The following DGKZ variants were observed in gnomAD, a reference collection of about 807,000 sequenced individuals.
DGKZ encodes diacylglycerol kinase zeta.
Under a neutral mutation model 142.5 loss-of-function variants are expected in DGKZ, and 45 were observed. The ratio of observed to expected loss-of-function variants is 0.32; its 90% confidence interval spans 0.25 to 0.40. DGKZ has a LOEUF of 0.40. Ranked by LOEUF, DGKZ falls within the 10% of genes least tolerant of loss-of-function variation. The pLI is 1.00. For synonymous variants in DGKZ, 442 were observed against 527.0 expected, an observed-to-expected ratio of 0.84 and a Z score of 2.21; for missense variants, 755 against 1,306.5, an observed-to-expected ratio of 0.58 and a Z score of 6.51.
At chr11:46,336,700 C>T (rs150364739) in intron 1 of DGKZ, among the ~76,000 whole-genome samples, 18 of 152,280 alleles carry the variant, frequency 1.2e-4, no homozygotes, top group Middle Eastern at 3.4e-3. Flanking sequence ...CTCCTCAGCA[C>T]ACACTACCAT....
intron 15 of DGKZ, 62 bp downstream of exon 15, chr11:46,374,297 G>A: frequency 6.2e-7 from 1 of 1,612,366 alleles, no homozygotes; most frequent in Non-Finnish European, 8.5e-7. Context: ...GGGAGGGTCA[G>A]ACCCTGCTCC....
At chr11:46,378,289 G>A in intron 26 of DGKZ, 60 bp downstream of exon 26, 2 of 1,573,360 alleles carry the variant, frequency 1.3e-6, no homozygotes, top group Non-Finnish European at 1.7e-6. Context: ...GAGGCTCAGT[G>A]GGGTGGGGAT....
rs145375973 is a variant in DGKZ at position 46,339,778 on chromosome 11, G to T, written c.212+6291G>T. Among the ~76,000 whole-genome samples the T allele has an allele frequency of 2.8e-3, 423 of 152,370 alleles. 1 individual carries two copies. Among genetic ancestry groups the T allele is most frequent in the African/African-American group, 1.0e-2 (415 of 41,592 alleles). On this transcript the variant is annotated intron_variant, in intron 1 of 30. Coordinates refer to the DGKZ transcript ENST00000343674. ...TGGGCCAAGCATGGGGAAGCCTGGA[G>T]TGGAGTCTCATTTTTGCCTCAGTTG...
intron 1 of DGKZ, among the ~76,000 whole-genome samples, chr11:46,352,374 C>T (rs536616708): frequency 2.5e-4 from 38 of 152,318 alleles, no homozygotes; most frequent in Middle Eastern, 3.4e-3. Flanking sequence ...CACAGGCCCA[C>T]GGGGACCCAC....
chr11:46,347,880 G>A lies in DGKZ; in HGVS notation c.161+60G>A, dbSNP rs192334974. 1,518 of 1,267,158 alleles carry A rather than the reference G, an allele frequency of 1.2e-3. 49 individuals are homozygous for A. In the Admixed American group the frequency reaches 0.056, roughly 47 times the overall value. The allele number at this position is 1,267,158 out of a possible 1,614,324, so 78.5% of individuals were successfully genotyped here. On this transcript the variant is annotated intron_variant, in intron 1 of 30. Coordinates refer to ENST00000527911, the Ensembl canonical transcript of DGKZ. This position sits in a 1 kb window ranked among gnomAD's most constrained non-coding sequence, Gnocchi z 6.4. ...ACCGGCAGGTTACCGCTCCCTCACC[G>A]GGGGACATTCCTCGGCCACTGGGGG...
chr11:46,362,776 A>T (rs1351968909), intron 1 of DGKZ, among the ~76,000 whole-genome samples: 1 of 152,196 alleles, frequency 6.6e-6, no homozygotes, highest in Admixed American at 6.5e-5. Context: ...GCTGTAGCTG[A>T]TGAAGCTCTC....
chr11:46,359,649 G>A (rs1238870997), intron 1 of DGKZ, among the ~76,000 whole-genome samples: 1 of 151,894 alleles, frequency 6.6e-6, no homozygotes, highest in Non-Finnish European at 1.5e-5. Context: ...TGTGGCCAAG[G>A]CTGGAGTGCA....
At position 46,372,069 on chromosome 11, in the gene DGKZ, T is replaced by C; in HGVS notation, c.832-6T>C. ...GGAGCTTACAGCCTCTCACCTTGTC[T>C]CCCAGGAGGGCCGCTGGAGACCCTT... is the stretch of plus-strand genomic sequence containing the variant. On this transcript the variant is annotated splice_region_variant and splice_polypyrimidine_tract_variant and intron_variant, in intron 9 of 30. Transcript: ENST00000527911. This position sits in a 1 kb window ranked among gnomAD's most constrained non-coding sequence, Gnocchi z 5.9. 6.2e-7 allele frequency: 1 copy of C among 1,606,518 alleles called. No individual in the cohort carries two copies. The highest frequency in any genetic ancestry group is 8.5e-7 in the Non-Finnish European group (1 of 1,176,834).
At position 46,374,147 on chromosome 11, in the gene DGKZ, C is replaced by CT; in HGVS notation, c.1327-5dup. 6.2e-7 allele frequency: 1 copy of CT among 1,614,138 alleles called. No individual in the cohort carries two copies. Among genetic ancestry groups the CT allele is most frequent in the African/African-American group, 1.3e-5 (1 of 75,068 alleles). ...CCAGCCCTCATTTTGGTCCCTTGAC[C>CT]TTTTTCCAGTTGCCCCTGGATGTCT... On this transcript the variant is annotated splice_polypyrimidine_tract_variant and intron_variant, in intron 14 of 30. Transcript: ENST00000527911.
chr11:46,363,396 C>T (rs191011000), intron 1 of DGKZ, among the ~76,000 whole-genome samples: 189 of 152,320 alleles, frequency 1.2e-3, no homozygotes, highest in African/African-American at 4.3e-3. Flanking sequence ...AACTGAGGCC[C>T]GTGAGGGGCC....
chr11:46,375,386 G>GC (rs1418624771), intron 19 of DGKZ, 46 bp from the exon 20 acceptor site: 2 of 1,524,938 alleles, frequency 1.3e-6, no homozygotes, highest in African/African-American at 1.4e-5. Context: ...GGACCCCCCT[G>GC]CCCCCAGCCC....
chr11:46,362,690 G>C (rs1942804236), intron 1 of DGKZ, among the ~76,000 whole-genome samples: 1 of 152,212 alleles, frequency 6.6e-6, no homozygotes, highest in East Asian at 1.9e-4. Context: ...GCAGATTCAG[G>C]ATGCCAACGC....
chr11:46,350,989 G>T (rs1565007788), intron 1 of DGKZ, among the ~76,000 whole-genome samples: 1 of 151,864 alleles, frequency 6.6e-6, no homozygotes, highest in Non-Finnish European at 1.5e-5. Flanking sequence ...AGGAGAGGAG[G>T]TACAGGCCCC....
rs529201013 is a variant in DGKZ, at chr11:46,369,858, G to A, written c.502-83G>A. ...ACTGCAGAGCGCTTCCTGCAGCCCC[G>A]TGTGTTGAGCCGTGTGGGCAGTCCT... On this transcript the variant is annotated intron_variant, in intron 5 of 30. Transcript: ENST00000527911. The A allele has an allele frequency of 1.4e-5, 20 of 1,459,122 alleles. No individual in the cohort carries two copies. The East Asian group carries it at 1.8e-4, about 13-fold the overall frequency. 90.4% of individuals were successfully genotyped at this position (1,459,122 alleles called of 1,614,324 possible). A position where few individuals can be genotyped will look rare whatever the true frequency, so the allele number is the denominator to read the frequency against.
Position 46,371,633 on chromosome 11 carries a change from G to A in DGKZ, c.759+30G>A, listed in dbSNP as rs372314496. ...GTACTGCCTGCACCCTTGATGCCCC[G>A]TACGCACTTGGGGTCTGCCAGCTAC... On this transcript the variant is annotated intron_variant, in intron 8 of 30. Coordinates refer to ENST00000527911, the Ensembl canonical transcript of DGKZ. 7.1e-5 allele frequency: 115 copies of A among 1,613,292 alleles called. 1 individual carries two copies. Among genetic ancestry groups the A allele is most frequent in the South Asian group, 5.8e-4 (53 of 91,060 alleles).
chr11:46,369,681 T>TC, intron 5 of DGKZ, 131 bp downstream of exon 5: 1 of 1,282,408 alleles, frequency 7.8e-7, no homozygotes, highest in East Asian at 2.3e-5. Flanking sequence ...CTGTCTGAGG[T>TC]CTGCCATGCG....
chr11:46,344,176 C>T (rs1940419809), upstream of DGKZ, among the ~76,000 whole-genome samples: 1 of 152,096 alleles, frequency 6.6e-6, no homozygotes, highest in Non-Finnish European at 1.5e-5. Flanking sequence ...TCTCAAACTC[C>T]TGACCTCAAG....
At chr11:46,366,869 T>G in intron 1 of DGKZ, 1 of 1,547,608 alleles carries the variant, frequency 6.5e-7, no homozygotes, top group South Asian at 1.2e-5. Flanking sequence ...CCGAAGAGCC[T>G]CAGGCACCAC....
rs1399600351 is a variant in DGKZ, at chr11:46,367,387, A to G, written c.258A>G (p.Thr86=). Residue 86 remains threonine (T), a synonymous_variant, in exon 2 of 31, where the codon ACA becomes ACG. Transcript: ENST00000527911. This position sits in a 1 kb window ranked among gnomAD's most constrained non-coding sequence, Gnocchi z 4.1. ...AGTCAGAGCGGCAGATCCGGAGTAC[A>G]GTGGACTGGAGCGTGAGTGCCTGAA... is the stretch of plus-strand genomic sequence containing the variant. The G allele has an allele frequency of 1.2e-6, 2 of 1,613,026 alleles. No homozygotes were observed. The highest frequency in any genetic ancestry group is 8.5e-7 in the Non-Finnish European group (1 of 1,179,952).
Sources: allele counts gnomAD v4.1 joint callset (sites outside exome capture counted in the v4.1 genomes callset), GRCh38; gene constraint gnomAD v4.1.1; non-coding constraint Gnocchi (gnomAD v3.1); transcripts MANE v1.5; gene names NCBI Gene and HGNC (gene_info 2026-07-23, HGNC 2026-07-21).